The following ADAMTS20 variants were observed in gnomAD, a reference collection of about 807,000 sequenced individuals.
ADAMTS20 encodes the protein A disintegrin and metalloproteinase with thrombospondin motifs 20.
ADAMTS20 carries 225 observed loss-of-function variants against 260.1 expected under a neutral mutation model. That is an observed-to-expected ratio of 0.87 (90% CI 0.78 to 0.97). The LOEUF (loss-of-function observed/expected upper bound fraction) is 0.97, where lower values mean the gene tolerates loss of function less well. ADAMTS20 is among the 50% of genes least tolerant of loss of function. The probability of loss-of-function intolerance (pLI) is 0.00; values close to 1 mark genes in which losing one functional copy is unlikely to be tolerated. For missense variants in ADAMTS20, 2,400 were observed against 2,337.7 expected, an observed-to-expected ratio of 1.03 and a Z score of -0.55; for synonymous variants, 802 against 769.5, an observed-to-expected ratio of 1.04 and a Z score of -0.70.
intron 3 of ADAMTS20, among the ~76,000 whole-genome samples, chr12:43,503,953 T>G (rs865918473): frequency 2.0e-5 from 3 of 152,194 alleles, no homozygotes; most frequent in Non-Finnish European, 4.4e-5. Flanking sequence ...TTTCTTTATC[T>G]AGTCTGTCAC....
At chr12:43,547,206 T>C (rs1943452156) in intron 2 of ADAMTS20, among the ~76,000 whole-genome samples, 1 of 152,218 alleles carries the variant, frequency 6.6e-6, no homozygotes, top group African/African-American at 2.4e-5. Context: ...AAAATATTAA[T>C]TTGATTTGTT....
At position 43,376,217 on chromosome 12, in the gene ADAMTS20, G is replaced by C. The variant is rs778712329; in HGVS notation, c.5220+19C>G. 15 of 1,534,334 alleles carry C rather than the reference G, an allele frequency of 9.8e-6. No homozygotes were observed. Among genetic ancestry groups the C allele is most frequent in the African/African-American group, 2.8e-5 (2 of 72,014 alleles). ...CAATGATCAATGTTAAAATAAAAAA[G>C]GAACTGTTTTCATAATACCTTTATT... On this transcript the variant is annotated intron_variant, in intron 34 of 38. Coordinates refer to ENST00000389420, the MANE Select transcript of ADAMTS20 (RefSeq NM_025003.5).
At chr12:43,521,678 C>T (rs1943073986) in intron 3 of ADAMTS20, among the ~76,000 whole-genome samples, 1 of 152,138 alleles carries the variant, frequency 6.6e-6, no homozygotes. Flanking sequence ...TGTTTTAAAA[C>T]ATTTTTGATA....
intron 28 of ADAMTS20, among the ~76,000 whole-genome samples, chr12:43,411,714 T>C (rs1394923207): frequency 6.6e-6 from 1 of 152,190 alleles, no homozygotes. Context: ...TTCCAAGTAA[T>C]GTCTCTTTTA....
At chr12:43,384,330 A>G (rs966601517) in intron 29 of ADAMTS20, among the ~76,000 whole-genome samples, 17 of 152,220 alleles carry the variant, frequency 1.1e-4, no homozygotes, top group Non-Finnish European at 1.8e-4. Flanking sequence ...TTAAATGTCA[A>G]TTAAATTCTT....
intron 6 of ADAMTS20, among the ~76,000 whole-genome samples, chr12:43,490,739 C>T (rs948798513): frequency 6.6e-6 from 1 of 151,958 alleles, no homozygotes; most frequent in Non-Finnish European, 1.5e-5. Flanking sequence ...TATAGTTTAC[C>T]CTCATGATGA....
intron 29 of ADAMTS20, among the ~76,000 whole-genome samples, chr12:43,394,726 G>A (rs1940664360): frequency 6.6e-6 from 1 of 152,064 alleles, no homozygotes; most frequent in African/African-American, 2.4e-5. Flanking sequence ...ATGAGCTAAT[G>A]TATAATGATA....
chr12:43,410,983 G>A (rs1313700957), intron 28 of ADAMTS20, among the ~76,000 whole-genome samples: 1 of 151,820 alleles, frequency 6.6e-6, no homozygotes, highest in Non-Finnish European at 1.5e-5. Context: ...AGATAAGAAG[G>A]GATAAGAAAG....
intron 27 of ADAMTS20, among the ~76,000 whole-genome samples, chr12:43,427,066 G>T (rs529992045): frequency 1.3e-5 from 2 of 152,046 alleles, no homozygotes; most frequent in Non-Finnish European, 2.9e-5. Context: ...TCAGCTACTC[G>T]GGAGGCTGAG....
At chr12:43,477,486 G>A (rs1942376859) in intron 7 of ADAMTS20, among the ~76,000 whole-genome samples, 1 of 152,140 alleles carries the variant, frequency 6.6e-6, no homozygotes, top group South Asian at 2.1e-4. Context: ...TTCTACAAGT[G>A]TGGAAGACTG....
intron 3 of ADAMTS20, among the ~76,000 whole-genome samples, chr12:43,528,347 G>GAAAAAAAAAAAAAAAAAAAAAAAAAAA (rs1565583137): frequency 1.3e-3 from 3 of 2,306 alleles, no homozygotes; most frequent in African/African-American, 2.3e-3. Flanking sequence ...GCAATCCTAA[G>GAAAAAAAAAAAAAAAAAAAAAAAAAAA]CAAAAAAAAA....
chr12:43,426,662 GA>G (rs1400219534), intron 27 of ADAMTS20, among the ~76,000 whole-genome samples: 1 of 152,156 alleles, frequency 6.6e-6, no homozygotes, highest in East Asian at 1.9e-4. Flanking sequence ...CTGGCTTAAA[GA>G]AAAAGATTTG....
chr12:43,426,284 A>C (rs1941332091), intron 27 of ADAMTS20, among the ~76,000 whole-genome samples: 1 of 152,188 alleles, frequency 6.6e-6, no homozygotes, highest in Admixed American at 6.5e-5. Context: ...TGGACATATA[A>C]TTTGAATTTT....
chr12:43,433,731 CACACACACACAA>C (rs747232347), intron 19 of ADAMTS20: 87 of 445,874 alleles, frequency 2.0e-4, no homozygotes, highest in African/African-American at 1.7e-3. Context: ...CACACACACA[CACACACACACAA>C]ACCAAATAAC....
At chr12:43,443,515 A>T (rs1365935852) in intron 16 of ADAMTS20, among the ~76,000 whole-genome samples, 3 of 152,212 alleles carry the variant, frequency 2.0e-5, no homozygotes, top group Non-Finnish European at 4.4e-5. Context: ...CTAAATACAC[A>T]TGCAACTAAT....
chr12:43,412,111 G>A (rs905944243), intron 28 of ADAMTS20, among the ~76,000 whole-genome samples: 5 of 152,148 alleles, frequency 3.3e-5, no homozygotes, highest in Admixed American at 6.5e-5. Context: ...GAAATGAACC[G>A]ATGCTATGTA....
At position 43,430,447 on chromosome 12, in the gene ADAMTS20, A is replaced by T. The variant is rs745706443; in HGVS notation, c.3286T>A (p.Tyr1096Asn). 6.2e-7 allele frequency: 1 copy of T among 1,612,812 alleles called. No individual in the cohort carries two copies. The change falls in exon 23 of 39, where the codon TAT becomes AAT. Residue 1096 changes from tyrosine (Y) to asparagine (N), a missense_variant. Transcript: ENST00000389420. ...GPCTTTCGHG[Y>N]QMRDVKCVNE... ...ACACATTTAACATCTCGCATCTGAT[A>T]CCCATGTCCACATGTGGTTGTGCAC...
chr12:43,522,694 T>C (rs533958005), intron 3 of ADAMTS20, among the ~76,000 whole-genome samples: 2 of 152,344 alleles, frequency 1.3e-5, no homozygotes, highest in Admixed American at 6.5e-5. Context: ...CTTTATTTTG[T>C]ATAGTTTTGT....
chr12:43,521,915 T>A (rs1424670571), intron 3 of ADAMTS20, among the ~76,000 whole-genome samples: 1 of 152,180 alleles, frequency 6.6e-6, no homozygotes, highest in Non-Finnish European at 1.5e-5. Context: ...GAGAGCCCTG[T>A]TCTAACCAAT....
Sources: allele counts gnomAD v4.1 joint callset (sites outside exome capture counted in the v4.1 genomes callset), GRCh38; gene constraint gnomAD v4.1.1; transcripts MANE v1.5; gene names NCBI Gene and HGNC (gene_info 2026-07-23, HGNC 2026-07-21).